The following CRIM1 variants were observed in gnomAD, a reference collection of about 807,000 sequenced individuals.
CRIM1 encodes cysteine-rich motor neuron 1 protein.
Under a neutral mutation model 116.4 loss-of-function variants are expected in CRIM1, and 32 were observed. The observed-to-expected ratio is 0.27, with a 90% CI of 0.21 to 0.37. CRIM1 has a LOEUF of 0.37. CRIM1 is among the 10% of genes least tolerant of loss of function. The probability of loss-of-function intolerance (pLI) is 1.00; values close to 1 mark genes in which losing one functional copy is unlikely to be tolerated. For missense variants in CRIM1, 1,331 were observed against 1,354.8 expected, an observed-to-expected ratio of 0.98 and a Z score of 0.28; for synonymous variants, 590 against 509.2, an observed-to-expected ratio of 1.16 and a Z score of -2.13.
intron 5 of CRIM1, among the ~76,000 whole-genome samples, chr2:36,471,152 GT>G (rs1678481595): frequency 6.6e-6 from 1 of 152,216 alleles, no homozygotes; most frequent in African/African-American, 2.4e-5. Context: ...AAAGAAAGTA[GT>G]TTCTTGAGAT....
chr2:36,545,144 C>T (rs1294299597), intron 15 of CRIM1, among the ~76,000 whole-genome samples: 1 of 152,210 alleles, frequency 6.6e-6, no homozygotes, highest in Admixed American at 6.5e-5. Context: ...GTACTGCCTC[C>T]TGTGTCCTCC....
intron 16 of CRIM1, 44 bp downstream of exon 16, chr2:36,547,215 A>G: frequency 3.3e-6 from 5 of 1,496,350 alleles, no homozygotes; most frequent in Non-Finnish European, 4.6e-6. Flanking sequence ...TGAATCTAGG[A>G]AAACTTACAC....
chr2:36,543,321 A>AAGTC (rs1343201572), intron 14 of CRIM1, among the ~76,000 whole-genome samples: 1 of 152,192 alleles, frequency 6.6e-6, no homozygotes, highest in African/African-American at 2.4e-5. Flanking sequence ...TCTTCTCTCA[A>AAGTC]AGTCATCTTA....
intron 8 of CRIM1, 114 bp downstream of exon 8, chr2:36,499,461 G>GA (rs1271734731): frequency 4.4e-6 from 5 of 1,125,584 alleles, no homozygotes; most frequent in South Asian, 1.7e-5. Context: ...TTGACAACCT[G>GA]AAAAAAAGGG....
intron 13 of CRIM1, among the ~76,000 whole-genome samples, chr2:36,535,897 A>G (rs1666512375): frequency 6.6e-6 from 1 of 152,236 alleles, no homozygotes; most frequent in African/African-American, 2.4e-5. Flanking sequence ...GAGATGGCCT[A>G]AAGTATACAG....
At chr2:36,442,432 C>A (rs1295021673) in intron 3 of CRIM1, among the ~76,000 whole-genome samples, 183 bp from the exon 4 acceptor site, 1 of 152,154 alleles carries the variant, frequency 6.6e-6, no homozygotes, top group Non-Finnish European at 1.5e-5. Context: ...TCTTTCCTTA[C>A]ACAGAAAATT....
chr2:36,491,920 T>A (rs753328633), intron 7 of CRIM1, among the ~76,000 whole-genome samples: 30 of 152,170 alleles, frequency 2.0e-4, no homozygotes, highest in Non-Finnish European at 2.8e-4. Flanking sequence ...AAGACAAGTA[T>A]AAAAGATCTA....
At chr2:36,396,913 C>G in intron 2 of CRIM1, 126 bp downstream of exon 2, 1 of 770,916 alleles carries the variant, frequency 1.3e-6, no homozygotes, top group Non-Finnish European at 2.0e-6. Flanking sequence ...TGTATAATCC[C>G]AACTAAGATG....
At chr2:36,544,767 T>C (rs1425551393) in intron 15 of CRIM1, among the ~76,000 whole-genome samples, 1 of 152,208 alleles carries the variant, frequency 6.6e-6, no homozygotes, top group African/African-American at 2.4e-5. Context: ...AATAAATATG[T>C]TCCTAGTCAT....
chr2:36,356,284 C>T lies in CRIM1; in HGVS notation c.-9C>T, dbSNP rs1668787299. ...GGCTGCGAGGAGGAGGCGGCGGCGG[C>T]GCAGGAGGATGTACTTGGTGGCGGG... On this transcript the variant is annotated 5_prime_UTR_variant, in exon 1 of 17. Transcript: ENST00000280527. This position sits in a 1 kb window ranked among gnomAD's most constrained non-coding sequence, Gnocchi z 4.3. The T allele has an allele frequency of 1.4e-6, 2 of 1,451,720 alleles. No homozygotes were observed. Among genetic ancestry groups the T allele is most frequent in the Middle Eastern group, 2.5e-4 (1 of 3,990 alleles). 89.9% of individuals were successfully genotyped at this position (1,451,720 alleles called of 1,614,324 possible).
chr2:36,380,871 T>G (rs912393032), intron 1 of CRIM1, among the ~76,000 whole-genome samples: 3 of 152,110 alleles, frequency 2.0e-5, no homozygotes, highest in African/African-American at 7.2e-5. Context: ...CCCATAAAAG[T>G]TTGTCATGTT....
chr2:36,432,983 T>A (rs1675011229), intron 2 of CRIM1, among the ~76,000 whole-genome samples: 1 of 151,984 alleles, frequency 6.6e-6, no homozygotes, highest in Admixed American at 6.6e-5. Flanking sequence ...ACCTCTAGGG[T>A]TTGTTCAAAC....
chr2:36,405,827 A>C (rs1236174441), intron 2 of CRIM1, among the ~76,000 whole-genome samples: 1 of 152,166 alleles, frequency 6.6e-6, no homozygotes, highest in Admixed American at 6.5e-5. Context: ...CAATTAAAAA[A>C]TTTTTTTCTC....
chr2:36,526,556 G>A (rs529261719), intron 13 of CRIM1, among the ~76,000 whole-genome samples: 1 of 151,898 alleles, frequency 6.6e-6, no homozygotes, highest in African/African-American at 2.4e-5. Context: ...TAGCAGAGAA[G>A]TAAATTAGCA....
intron 7 of CRIM1, among the ~76,000 whole-genome samples, chr2:36,494,437 A>G (rs1242541833): frequency 6.6e-6 from 1 of 152,234 alleles, no homozygotes; most frequent in Admixed American, 6.5e-5. Context: ...TAAAGAATCA[A>G]CATGTGTTTG....
chr2:36,499,482 ATTTTTAAC>A (rs1323752268), intron 8 of CRIM1, 135 bp downstream of exon 8: 20 of 842,156 alleles, frequency 2.4e-5, no homozygotes, highest in Non-Finnish European at 3.3e-5. Flanking sequence ...GAAAAAAGTT[ATTTTTAAC>A]ACAAACAAAT....
chr2:36,391,451 T>TA (rs1247466714), intron 1 of CRIM1, among the ~76,000 whole-genome samples: 4 of 152,036 alleles, frequency 2.6e-5, no homozygotes, highest in Admixed American at 2.6e-4. Flanking sequence ...TTTAGAACAT[T>TA]AATGTGCTGG....
intron 1 of CRIM1, among the ~76,000 whole-genome samples, chr2:36,387,233 C>T (rs780754266): frequency 1.3e-4 from 20 of 152,184 alleles, no homozygotes; most frequent in Non-Finnish European, 2.8e-4. Context: ...AGCTAATGAC[C>T]TGGCTTAATC....
chr2:36,477,655 T>C (rs997385156), intron 6 of CRIM1, among the ~76,000 whole-genome samples: 1 of 152,212 alleles, frequency 6.6e-6, no homozygotes, highest in African/African-American at 2.4e-5. Flanking sequence ...CAGGTGTGAC[T>C]CTCAGGAATC....
Sources: gnomAD v4.1 joint callset for allele counts (sites outside exome capture counted in the v4.1 genomes callset) on GRCh38, gnomAD v4.1.1 for gene constraint, Gnocchi (gnomAD v3.1) non-coding constraint, MANE v1.5 for transcripts, NCBI Gene and HGNC (gene_info 2026-07-23, HGNC 2026-07-21) for gene names.